The following PRKCI variants were observed in gnomAD, a reference collection of about 807,000 sequenced individuals.
The protein encoded by PRKCI is protein kinase C iota, also known as protein kinase C iota type.
A neutral mutation model predicts 84.0 loss-of-function variants in PRKCI; 43 were observed. The ratio of observed to expected loss-of-function variants is 0.51; its 90% confidence interval spans 0.40 to 0.66. PRKCI has a LOEUF of 0.66. Among genes scored for constraint, PRKCI ranks in the 30% least tolerant of loss-of-function variants. The pLI is 0.00. For missense variants in PRKCI, 459 were observed against 745.6 expected, an observed-to-expected ratio of 0.62 and a Z score of 4.48; for synonymous variants, 216 against 234.4, an observed-to-expected ratio of 0.92 and a Z score of 0.72.
chr3:170,283,655 C>G (rs1200789004), intron 11 of PRKCI, among the ~76,000 whole-genome samples: 1 of 149,590 alleles, frequency 6.7e-6, no homozygotes. Context: ...TGTGGGAAAG[C>G]TAGTCTGGTT....
chr3:170,284,977 CAG>C (rs1456281560), intron 12 of PRKCI, among the ~76,000 whole-genome samples: 1 of 151,990 alleles, frequency 6.6e-6, no homozygotes, highest in Non-Finnish European at 1.5e-5. Context: ...GGATTTTCCT[CAG>C]AAGTCAAACA....
intron 2 of PRKCI, among the ~76,000 whole-genome samples, chr3:170,235,938 C>T (rs907132899): frequency 2.0e-5 from 3 of 151,552 alleles, no homozygotes; most frequent in African/African-American, 7.3e-5. Flanking sequence ...TTTGTTTTTT[C>T]TTTGAATTAA....
intron 6 of PRKCI, among the ~76,000 whole-genome samples, chr3:170,272,045 G>A (rs1734017368): frequency 6.6e-6 from 1 of 152,168 alleles, no homozygotes; most frequent in African/African-American, 2.4e-5. Flanking sequence ...ACGTTGGCCA[G>A]GCTGGTCTTG....
In PRKCI at chr3:170,261,699, G is replaced by C. The variant is rs141218155; in HGVS notation, c.313+1641G>C. Among the ~76,000 whole-genome samples, 45 of 152,032 alleles carry C rather than the reference G, an allele frequency of 3.0e-4. 1 individual carries two copies. The highest frequency in any genetic ancestry group is 1.1e-3 in the African/African-American group (45 of 41,388). On this transcript the variant is annotated intron_variant, in intron 3 of 17. Transcript: ENST00000295797. ...GGGTTTCACCATGTTGGCCAGGCTG[G>C]TCTCGAACTCCTGACCTCAGGTGAT...
In PRKCI at chr3:170,238,156, A is replaced by G. The variant is rs569853164; in HGVS notation, c.223+2805A>G. On this transcript the variant is annotated intron_variant, in intron 2 of 17. Coordinates refer to ENST00000295797, the MANE Select transcript of PRKCI (RefSeq NM_002740.6). ...GGCGGGTGGATGGCCTGAGGTCAGG[A>G]GTTCGAGACCAGCCTGACCAGCATA... Among the ~76,000 whole-genome samples, 107 of 152,218 alleles carry G rather than the reference A, an allele frequency of 7.0e-4. 1 individual carries two copies. Among genetic ancestry groups the G allele is most frequent in the Middle Eastern group, 6.8e-3 (2 of 294 alleles).
chr3:170,290,449 C>G (rs1381164222), intron 12 of PRKCI, among the ~76,000 whole-genome samples: 1 of 151,912 alleles, frequency 6.6e-6, no homozygotes, highest in Admixed American at 6.6e-5. Context: ...CAGGGAGTCT[C>G]TCTCTCTAAT....
intron 2 of PRKCI, among the ~76,000 whole-genome samples, chr3:170,248,205 G>A: frequency 6.6e-6 from 1 of 152,142 alleles, no homozygotes; most frequent in Non-Finnish European, 1.5e-5. Flanking sequence ...AATAAAACAA[G>A]AGTTACATAT....
chr3:170,289,616 A>C (rs1336693164), intron 12 of PRKCI, among the ~76,000 whole-genome samples: 1 of 152,170 alleles, frequency 6.6e-6, no homozygotes, highest in Non-Finnish European at 1.5e-5. Context: ...TCTACTAAAA[A>C]TACAAAAAGC....
At chr3:170,294,792 A>C (rs1030610137) in intron 14 of PRKCI, among the ~76,000 whole-genome samples, 1 of 152,196 alleles carries the variant, frequency 6.6e-6, no homozygotes, top group Non-Finnish European at 1.5e-5. Flanking sequence ...TAGTATTCAG[A>C]TTAGAGGCTT....
chr3:170,249,285 C>G (rs1206518453), intron 2 of PRKCI, among the ~76,000 whole-genome samples: 1 of 152,042 alleles, frequency 6.6e-6, no homozygotes, highest in East Asian at 1.9e-4. Context: ...ACATCAAAAT[C>G]AGCCAGCGAG....
At chr3:170,234,805 TG>T in intron 1 of PRKCI, among the ~76,000 whole-genome samples, 1 of 152,356 alleles carries the variant, frequency 6.6e-6, no homozygotes, top group East Asian at 1.9e-4. Flanking sequence ...TGTTTTCTTT[TG>T]TTTTTATTTA....
chr3:170,305,676 T>G lies in PRKCI; in HGVS notation c.*2549T>G, dbSNP rs895703019. ...AAGTGCCATGCCAATTGTTCTTATA[T>G]TCTATAGAAGTTCGCTCAAAATACT... On this transcript the variant is annotated 3_prime_UTR_variant, in exon 18 of 18. Coordinates refer to ENST00000295797, the MANE Select transcript of PRKCI (RefSeq NM_002740.6). 1 of 152,246 alleles carries G rather than the reference T, an allele frequency of 6.6e-6. No individual in the cohort carries two copies. Among genetic ancestry groups the G allele is most frequent in the Non-Finnish European group, 1.5e-5 (1 of 68,038 alleles). 9.4% of individuals were successfully genotyped at this position (152,246 alleles called of 1,614,324 possible).
chr3:170,300,637 A>G (rs1577379567), intron 17 of PRKCI, among the ~76,000 whole-genome samples: 1 of 149,564 alleles, frequency 6.7e-6, no homozygotes, highest in African/African-American at 2.5e-5. Flanking sequence ...AATACACAGC[A>G]CCTCTAATCA....
Position 170,305,042 on chromosome 3 carries a change from T to G in PRKCI, c.*1915T>G, listed in dbSNP as rs1734922559. ...AAATGTTTATATACATCCACATGTT[T>G]ATTTAATATGTTTCTCTTAACACCT... On this transcript the variant is annotated 3_prime_UTR_variant, in exon 18 of 18. Transcript: ENST00000295797. 1 of 152,250 alleles carries G rather than the reference T, an allele frequency of 6.6e-6. No homozygotes were observed. The highest frequency in any genetic ancestry group is 6.5e-5 in the Admixed American group (1 of 15,284). The allele number at this position is 152,250 out of a possible 1,614,324, so 9.4% of individuals were successfully genotyped here.
At chr3:170,301,434 C>T (rs766525428) in intron 17 of PRKCI, among the ~76,000 whole-genome samples, 2 of 152,166 alleles carry the variant, frequency 1.3e-5, no homozygotes, top group Non-Finnish European at 2.9e-5. Context: ...GTTTGTCAGC[C>T]AAGCAGCTCA....
chr3:170,232,558 A>G (rs569880200), intron 1 of PRKCI, among the ~76,000 whole-genome samples: 5 of 151,434 alleles, frequency 3.3e-5, no homozygotes, highest in East Asian at 2.0e-4. Flanking sequence ...AACCCACAAT[A>G]CAAAGCTGGG....
At chr3:170,299,300 C>T in intron 17 of PRKCI, among the ~76,000 whole-genome samples, 190 bp downstream of exon 17, 1 of 152,216 alleles carries the variant, frequency 6.6e-6, no homozygotes, top group Middle Eastern at 3.2e-3. Context: ...AATCTCGGCT[C>T]ACTGCAACCT....
chr3:170,252,485 CA>C (rs1395134847), intron 2 of PRKCI, among the ~76,000 whole-genome samples: 1 of 152,102 alleles, frequency 6.6e-6, no homozygotes, highest in Non-Finnish European at 1.5e-5. Flanking sequence ...ATTTGTGTTA[CA>C]AATATTCCAA....
chr3:170,269,880 C>A (rs1259030175), intron 5 of PRKCI, among the ~76,000 whole-genome samples: 2 of 151,982 alleles, frequency 1.3e-5, no homozygotes, highest in African/African-American at 4.8e-5. Context: ...ATCACTTGAA[C>A]CCGGGAGGCG....
Sources: allele counts gnomAD v4.1 joint callset (sites outside exome capture counted in the v4.1 genomes callset), GRCh38; gene constraint gnomAD v4.1.1; transcripts MANE v1.5; gene names NCBI Gene and HGNC (gene_info 2026-07-23, HGNC 2026-07-21).